Variants in TRMT10B observed in about 807,000 individuals in gnomAD.
TRMT10B encodes the protein tRNA methyltransferase 10B, also known as tRNA methyltransferase 10 homolog B.
A neutral mutation model predicts 43.8 loss-of-function variants in TRMT10B; 33 were observed. The observed-to-expected ratio is 0.75, with a 90% CI of 0.57 to 1.01. The LOEUF is 1.01. Among genes scored for constraint, TRMT10B ranks in the 50% least tolerant of loss-of-function variants. The pLI is 0.00. For synonymous variants in TRMT10B, 137 were observed against 130.6 expected (o/e 1.05, Z -0.34); for missense variants, 362 against 369.8 (o/e 0.98, Z 0.17).
intron 5 of TRMT10B, among the ~76,000 whole-genome samples, chr9:37,768,713 T>C (rs886532606): frequency 6.6e-6 from 1 of 152,220 alleles, no homozygotes; most frequent in African/African-American, 2.4e-5. Flanking sequence ...CCCAGTGTGT[T>C]TGCATTGTGT....
intron 7 of TRMT10B, among the ~76,000 whole-genome samples, chr9:37,771,505 C>T (rs1192827479): frequency 6.6e-6 from 1 of 152,134 alleles, no homozygotes; most frequent in Admixed American, 6.5e-5. Context: ...ATATTTAACA[C>T]AGATGATAGG....
intron 1 of TRMT10B, among the ~76,000 whole-genome samples, chr9:37,754,093 G>A (rs1055971401): frequency 2.0e-5 from 3 of 152,260 alleles, no homozygotes; most frequent in South Asian, 2.1e-4. Context: ...ATCACTTAGC[G>A]GCAGTGTAGG....
At chr9:37,774,162 A>G (rs978383749) in intron 7 of TRMT10B, among the ~76,000 whole-genome samples, 4 of 152,032 alleles carry the variant, frequency 2.6e-5, no homozygotes, top group Non-Finnish European at 4.4e-5. Flanking sequence ...GGTGGGCGCT[A>G]CCATGCCCAG....
intron 7 of TRMT10B, among the ~76,000 whole-genome samples, chr9:37,773,308 A>AC (rs1320667465): frequency 2.0e-5 from 3 of 150,238 alleles, no homozygotes; most frequent in Non-Finnish European, 3.0e-5. Flanking sequence ...TTTGTTAGAG[A>AC]CGAAGTCTCT....
At chr9:37,753,220 C>T (rs1009567336), upstream of TRMT10B, among the ~76,000 whole-genome samples, 3 of 152,212 alleles carry the variant, frequency 2.0e-5, no homozygotes, top group East Asian at 1.9e-4. Flanking sequence ...TGTAACACCG[C>T]GATGGTCCGC....
chr9:37,766,926 T>A (rs1358922303), intron 4 of TRMT10B: 2 of 152,206 alleles, frequency 1.3e-5, no homozygotes, highest in Non-Finnish European at 2.9e-5. Flanking sequence ...ATTGATTTTG[T>A]ATAAAAAGGA....
intron 1 of TRMT10B, among the ~76,000 whole-genome samples, chr9:37,755,470 T>C (rs1825552555): frequency 6.6e-6 from 1 of 152,176 alleles, no homozygotes; most frequent in Admixed American, 6.5e-5. Context: ...CCACACAGAT[T>C]GAGCAGATCT....
At chr9:37,764,910 T>C (rs937160115) in intron 4 of TRMT10B, among the ~76,000 whole-genome samples, 6 of 151,812 alleles carry the variant, frequency 4.0e-5, no homozygotes, top group Non-Finnish European at 7.4e-5. Context: ...CAGGGCCACG[T>C]GGGGATTGTA....
chr9:37,777,706 G>A lies in TRMT10B; in HGVS notation c.950G>A (p.Ter317=). 1 of 1,613,250 alleles carries A rather than the reference G, an allele frequency of 6.2e-7. No individual in the cohort carries two copies. The highest frequency in any genetic ancestry group is 8.5e-7 in the Non-Finnish European group (1 of 1,179,280). The stretch of plus-strand genomic sequence containing the variant: ...TATATTCTTCGGAACTCAGTGGAAT[G>A]ATGGGCCTAAGATTGCAGCTGCGTG... ...KGYILRNSVE[*] is the part of the protein sequence containing the mutation. Residue 317 remains the stop codon, a stop_retained_variant, in exon 9 of 9, where the codon TGA becomes TAA. Transcript: ENST00000297994.
At chr9:37,761,816 C>A in intron 1 of TRMT10B, 87 bp from the exon 2 acceptor site, 1 of 927,760 alleles carries the variant, frequency 1.1e-6, no homozygotes, top group Non-Finnish European at 1.6e-6. Flanking sequence ...CTTTCAGTAA[C>A]ACAATAACAC....
chr9:37,773,309 C>T (rs954855810), intron 7 of TRMT10B, among the ~76,000 whole-genome samples: 4 of 150,340 alleles, frequency 2.7e-5, no homozygotes, highest in Non-Finnish European at 3.0e-5. Context: ...TTGTTAGAGA[C>T]GAAGTCTCTT....
chr9:37,760,354 A>G (rs554841758), intron 1 of TRMT10B, among the ~76,000 whole-genome samples: 1 of 152,318 alleles, frequency 6.6e-6, no homozygotes, highest in South Asian at 2.1e-4. Context: ...GTTGACCCCT[A>G]TCTCTACAGA....
chr9:37,776,936 G>A (rs1462611471), intron 8 of TRMT10B, among the ~76,000 whole-genome samples: 1 of 151,118 alleles, frequency 6.6e-6, no homozygotes, highest in Non-Finnish European at 1.5e-5. Flanking sequence ...GCTCACACCT[G>A]TAATCCCAGC....
chr9:37,756,120 A>G (rs1825648212), intron 1 of TRMT10B, among the ~76,000 whole-genome samples: 1 of 152,180 alleles, frequency 6.6e-6, no homozygotes, highest in South Asian at 2.1e-4. Context: ...GCTTGGTGGA[A>G]TGTTTATTAA....
chr9:37,775,532 C>T (rs117724693), intron 7 of TRMT10B, among the ~76,000 whole-genome samples: 2,201 of 152,050 alleles, frequency 0.014, 26 homozygotes, highest in Middle Eastern at 0.037. Context: ...TTTCAGAGCC[C>T]GCCCTTTTAT....
At chr9:37,777,194 C>CAAAAAAAAAAAAA (rs11306620) in intron 8 of TRMT10B, among the ~76,000 whole-genome samples, 3 of 29,982 alleles carry the variant, frequency 1.0e-4, no homozygotes, top group African/African-American at 4.2e-4. Context: ...AACTCCGCCT[C>CAAAAAAAAAAAAA]AAAAAAAAAA....
rs559450622 is a variant in TRMT10B at position 37,778,944 on chromosome 9, G to T, written c.*1237G>T. 2.4e-4 allele frequency: 36 copies of T among 151,552 alleles called. No individual in the cohort carries two copies. Among genetic ancestry groups the T allele is most frequent in the African/African-American group, 8.3e-4 (34 of 41,158 alleles). 9.4% of individuals were successfully genotyped at this position (151,552 alleles called of 1,614,324 possible). A position where few individuals can be genotyped will look rare whatever the true frequency, so the allele number is the denominator to read the frequency against. On this transcript the variant is annotated 3_prime_UTR_variant, in exon 9 of 9. Coordinates refer to ENST00000297994, the MANE Select transcript of TRMT10B (RefSeq NM_144964.4). ...CCAACTAGATTCTTCATATGTATTT[G>T]TAACAGATTAAATTGGAAAGCAAAC...
intron 8 of TRMT10B, among the ~76,000 whole-genome samples, chr9:37,777,131 T>C (rs1054883414): frequency 1.6e-5 from 2 of 125,608 alleles, no homozygotes; most frequent in African/African-American, 3.1e-5. Context: ...GAGGTGCAGG[T>C]TGCGGTGAGC....
chr9:37,762,775 G>A, intron 3 of TRMT10B, 90 bp downstream of exon 3: 1 of 1,424,288 alleles, frequency 7.0e-7, no homozygotes, highest in Non-Finnish European at 9.3e-7. Flanking sequence ...TTTTGTATAA[G>A]TAAAAAGCAT....
Sources: allele counts gnomAD v4.1 joint callset (sites outside exome capture counted in the v4.1 genomes callset), GRCh38; gene constraint gnomAD v4.1.1; transcripts MANE v1.5; gene names NCBI Gene and HGNC (gene_info 2026-07-23, HGNC 2026-07-21).